The following PLCXD3 variants were observed in gnomAD, a reference collection of about 807,000 sequenced individuals.
PLCXD3 encodes the protein phosphatidylinositol specific phospholipase C X domain containing 3.
A neutral mutation model predicts 25.5 loss-of-function variants in PLCXD3; 19 were observed. That is an observed-to-expected ratio of 0.75 (90% CI 0.52 to 1.09). The LOEUF (loss-of-function observed/expected upper bound fraction) is 1.09. Ranked by LOEUF, PLCXD3 falls within the 50% of genes least tolerant of loss-of-function variation. The pLI is 0.00. For synonymous variants in PLCXD3, 174 were observed against 137.6 expected (o/e 1.26, Z -1.85); for missense variants, 411 against 388.1 (o/e 1.06, Z -0.50).
intron 1 of PLCXD3, among the ~76,000 whole-genome samples, chr5:41,465,174 T>A (rs551486708): frequency 6.6e-6 from 1 of 151,898 alleles, no homozygotes; most frequent in East Asian, 1.9e-4. Flanking sequence ...GACATGTTTT[T>A]CATTATTTTG....
At chr5:41,420,608 C>T (rs1334459003) in intron 1 of PLCXD3, among the ~76,000 whole-genome samples, 5 of 152,252 alleles carry the variant, frequency 3.3e-5, no homozygotes, top group Non-Finnish European at 7.3e-5. Context: ...GACTGGGCTT[C>T]TGCCAAATCT....
rs188920 is a variant in PLCXD3, at chr5:41,332,032, A to G, written c.813-18262T>C. Among the ~76,000 whole-genome samples, 1,333 of 152,262 alleles carry G rather than the reference A, an allele frequency of 8.8e-3. 15 individuals carry two copies. The highest frequency in any genetic ancestry group is 0.03 in the African/African-American group (1,249 of 41,544). ...CATTACCATTCAGGACATAGGCATG[A>G]GCAAGGACTTCATGTCTAAAACACG... is the stretch of plus-strand genomic sequence containing the variant. On this transcript the variant is annotated intron_variant, in intron 2 of 2. Coordinates refer to ENST00000377801, the MANE Select transcript of PLCXD3 (RefSeq NM_001005473.3).
intron 1 of PLCXD3, among the ~76,000 whole-genome samples, chr5:41,412,227 A>G (rs774668595): frequency 3.3e-5 from 5 of 152,160 alleles, no homozygotes; most frequent in Non-Finnish European, 7.4e-5. Flanking sequence ...TACCAAATGC[A>G]TTGGGTTACA....
At chr5:41,397,538 G>A (rs1429421850) in intron 1 of PLCXD3, among the ~76,000 whole-genome samples, 4 of 152,174 alleles carry the variant, frequency 2.6e-5, no homozygotes, top group Non-Finnish European at 5.9e-5. Flanking sequence ...CTGTATGAGG[G>A]CAGTGCAGAG....
chr5:41,433,016 G>A (rs901597246), intron 1 of PLCXD3, among the ~76,000 whole-genome samples: 7 of 152,170 alleles, frequency 4.6e-5, no homozygotes, highest in South Asian at 2.1e-4. Flanking sequence ...CTGGAACAGC[G>A]AGCAGGTGAG....
At position 41,343,662 on chromosome 5, in the gene PLCXD3, G is replaced by A. The variant is rs187459567; in HGVS notation, c.813-29892C>T. Among the ~76,000 whole-genome samples, 380 of 152,168 alleles carry A rather than the reference G, an allele frequency of 2.5e-3. 2 individuals carry two copies. Among genetic ancestry groups the A allele is most frequent in the African/African-American group, 8.1e-3 (336 of 41,542 alleles). On this transcript the variant is annotated intron_variant, in intron 2 of 2. Coordinates refer to ENST00000377801, the MANE Select transcript of PLCXD3 (RefSeq NM_001005473.3). ...TCATAACAGTGTCTAGACTGAGAAC[G>A]TTTGTAGTTACAATGAAAATCCAAT...
intron 1 of PLCXD3, among the ~76,000 whole-genome samples, chr5:41,388,533 C>T (rs968329775): frequency 6.6e-6 from 1 of 151,986 alleles, no homozygotes; most frequent in African/African-American, 2.4e-5. Flanking sequence ...TTGCAGTTTG[C>T]TGTAATATAC....
chr5:41,464,864 T>C (rs1747975773), intron 1 of PLCXD3, among the ~76,000 whole-genome samples: 1 of 152,068 alleles, frequency 6.6e-6, no homozygotes, highest in Non-Finnish European at 1.5e-5. Flanking sequence ...TTGTGTTGTG[T>C]TCTTCCATTT....
At chr5:41,316,689 G>T (rs934899109) in intron 2 of PLCXD3, among the ~76,000 whole-genome samples, 8 of 152,114 alleles carry the variant, frequency 5.3e-5, no homozygotes, top group Non-Finnish European at 1.0e-4. Flanking sequence ...AGAGATCTTG[G>T]ACCTTAAGGG....
rs1207303645 is a variant in PLCXD3 at position 41,310,884 on chromosome 5, GCATAT to G, written c.*2728_*2732del. ...CTTTTGTCTAACAAGGTTTCTGGGT[GCATAT>G]CATTAGCAGCAGTACAAAGCTTTCC... On this transcript the variant is annotated 3_prime_UTR_variant, in exon 3 of 3. Transcript: ENST00000377801. The G allele has an allele frequency of 6.6e-6, 1 of 152,538 alleles. No individual in the cohort carries two copies. 9.4% of individuals were successfully genotyped at this position (152,538 alleles called of 1,614,324 possible).
intron 1 of PLCXD3, among the ~76,000 whole-genome samples, chr5:41,393,302 G>T (rs1372564599): frequency 6.6e-6 from 1 of 152,042 alleles, no homozygotes; most frequent in Non-Finnish European, 1.5e-5. Flanking sequence ...ATGAAGAAGG[G>T]ATCCTAAAAG....
At chr5:41,409,107 G>A (rs1349884857) in intron 1 of PLCXD3, among the ~76,000 whole-genome samples, 1 of 152,170 alleles carries the variant, frequency 6.6e-6, no homozygotes, top group Non-Finnish European at 1.5e-5. Context: ...AGCCCAAGGA[G>A]GACAAGACAG....
At chr5:41,443,515 T>C (rs1580376188) in intron 1 of PLCXD3, among the ~76,000 whole-genome samples, 2 of 152,348 alleles carry the variant, frequency 1.3e-5, no homozygotes, top group South Asian at 4.1e-4. Flanking sequence ...TATTATTGTC[T>C]ATATACATAT....
chr5:41,350,857 T>C (rs1580317764), intron 2 of PLCXD3, among the ~76,000 whole-genome samples: 1 of 152,334 alleles, frequency 6.6e-6, no homozygotes, highest in South Asian at 2.1e-4. Flanking sequence ...GTCTTTGTTT[T>C]TTGTTTCCTG....
chr5:41,413,918 A>G (rs1265701468), intron 1 of PLCXD3, among the ~76,000 whole-genome samples: 1 of 152,192 alleles, frequency 6.6e-6, no homozygotes, highest in African/African-American at 2.4e-5. Flanking sequence ...GCAATTTTCA[A>G]GGGTCAAAAC....
chr5:41,499,099 T>C (rs1474488027), intron 1 of PLCXD3, among the ~76,000 whole-genome samples: 3 of 151,436 alleles, frequency 2.0e-5, no homozygotes, highest in Non-Finnish European at 3.0e-5. Context: ...AAGGCAAGGA[T>C]GGCCATTCTT....
rs145976763 is a variant in PLCXD3 at position 41,399,815 on chromosome 5, A to G, written c.104-17281T>C. On this transcript the variant is annotated intron_variant, in intron 1 of 2. Coordinates refer to ENST00000377801, the MANE Select transcript of PLCXD3 (RefSeq NM_001005473.3). The stretch of plus-strand genomic sequence containing the variant: ...ATTTCTTGATCAATACCCAAGAAGC[A>G]CAAGCAACCAAAGCAAACATGGACA... Among the ~76,000 whole-genome samples, 3 of 152,292 alleles carry G rather than the reference A, an allele frequency of 2.0e-5. No individual in the cohort carries two copies. In the East Asian group the frequency reaches 5.8e-4, roughly 29 times the overall value.
chr5:41,417,844 G>C (rs573140397), intron 1 of PLCXD3, among the ~76,000 whole-genome samples: 14 of 152,276 alleles, frequency 9.2e-5, no homozygotes, highest in African/African-American at 3.1e-4. Context: ...GGCCTGAGGG[G>C]GTGTCTATGT....
chr5:41,399,682 C>A (rs866817398), intron 1 of PLCXD3, among the ~76,000 whole-genome samples: 4 of 150,826 alleles, frequency 2.7e-5, no homozygotes, highest in African/African-American at 7.3e-5. Flanking sequence ...TTACCATATA[C>A]AAAAAAAAAT....
Sources: allele counts gnomAD v4.1 joint callset (sites outside exome capture counted in the v4.1 genomes callset), GRCh38; gene constraint gnomAD v4.1.1; transcripts MANE v1.5; gene names NCBI Gene and HGNC (gene_info 2026-07-23, HGNC 2026-07-21).